The following DOLPP1 variants were observed in gnomAD, a reference collection of about 807,000 sequenced individuals.
DOLPP1 encodes dolichyl pyrophosphate phosphatase 1.
A neutral mutation model predicts 34.1 loss-of-function variants in DOLPP1; 15 were observed. The ratio of observed to expected loss-of-function variants is 0.44; its 90% CI spans 0.29 to 0.68. The LOEUF is 0.68. Ranked by LOEUF, DOLPP1 falls within the 30% of genes least tolerant of loss-of-function variation. The probability of loss-of-function intolerance (pLI) is 0.12; values close to 1 mark genes in which losing one functional copy is unlikely to be tolerated. For missense variants in DOLPP1, 249 were observed against 307.1 expected (o/e 0.81, Z 1.41); for synonymous variants, 130 against 128.2 (o/e 1.01, Z -0.10).
rs1489382214 is a variant in DOLPP1, at chr9:129,089,676, A to G, written c.*669A>G. ...CTGCTGTCGTTGTGTTCTACCCCGT[A>G]CTGACCCAACACCACAAGGGCTTTC... On this transcript the variant is annotated 3_prime_UTR_variant, in exon 8 of 8. Transcript: ENST00000372546. This position sits in a 1 kb window ranked among gnomAD's most constrained non-coding sequence, Gnocchi z 4.9. 6.5e-6 allele frequency: 1 copy of G among 153,220 alleles called. No homozygotes were observed. The highest frequency in any genetic ancestry group is 1.5e-5 in the Non-Finnish European group (1 of 68,536). 9.5% of individuals were successfully genotyped at this position (153,220 alleles called of 1,614,324 possible). A position where few individuals can be genotyped will look rare whatever the true frequency, so the allele number is the denominator to read the frequency against.
rs1261011144 is a variant in DOLPP1 at position 129,084,790 on chromosome 9, C to T, written c.177+22C>T. The stretch of plus-strand genomic sequence containing the variant: ...CACGGTGAGTCTGTCTTGCCCACAC[C>T]CTCCCCACCCCACCCCCAGTGCCCC... On this transcript the variant is annotated intron_variant, in intron 2 of 7. Coordinates refer to ENST00000372546, the MANE Select transcript of DOLPP1 (RefSeq NM_020438.5). 5.9e-6 allele frequency: 9 copies of T among 1,533,754 alleles called. No homozygotes were observed. In the Admixed American group the frequency reaches 6.7e-5, roughly 11 times the overall value.
In DOLPP1 at chr9:129,089,064, A is replaced by G; in HGVS notation, c.*57A>G. 1.3e-6 allele frequency: 2 copies of G among 1,574,418 alleles called. No homozygotes were observed. The highest frequency in any genetic ancestry group is 2.2e-5 in the South Asian group (2 of 90,206). On this transcript the variant is annotated 3_prime_UTR_variant, in exon 8 of 8. Transcript: ENST00000372546. This position sits in a 1 kb window ranked among gnomAD's most constrained non-coding sequence, Gnocchi z 4.9. ...TCTGGCCCGCACGATGCCTTGCAGG[A>G]TGGACAGGATGACAGACAGGGACGA...
At chr9:129,084,944 C>A in intron 2 of DOLPP1, 79 bp from the exon 3 acceptor site, 1 of 1,490,082 alleles carries the variant, frequency 6.7e-7, no homozygotes, top group Non-Finnish European at 9.2e-7. Context: ...GAGGTTCAGT[C>A]AGAGGCCATG....
chr9:129,087,136 G>A lies in DOLPP1; in HGVS notation c.680+338G>A, dbSNP rs1847005119. Among the ~76,000 whole-genome samples the A allele has an allele frequency of 5.9e-5, 9 of 151,788 alleles. No homozygotes were observed. The South Asian group carries it at 1.9e-3, about 32-fold the overall frequency. On this transcript the variant is annotated intron_variant, in intron 7 of 7. Coordinates refer to ENST00000372546, the MANE Select transcript of DOLPP1 (RefSeq NM_020438.5). Reference sequence around the variant, plus strand: ...TGTGTGTGGACATCCCTAGGGATTAGTCCAGATGCTTTCTTAGGCCTGGGT... The same window carrying A: ...TGTGTGTGGACATCCCTAGGGATTAATCCAGATGCTTTCTTAGGCCTGGGT...
chr9:129,082,226 C>T (rs1196793134), intron 1 of DOLPP1, among the ~76,000 whole-genome samples: 2 of 152,158 alleles, frequency 1.3e-5, no homozygotes, highest in Non-Finnish European at 2.9e-5. Flanking sequence ...AACCTGGGTC[C>T]GCTGAGGGCA....
Position 129,081,120 on chromosome 9 carries a change from T to C in DOLPP1, c.-12T>C, listed in dbSNP as rs749881744. The C allele has an allele frequency of 6.2e-7, 1 of 1,606,446 alleles. No individual in the cohort carries two copies. The highest frequency in any genetic ancestry group is 1.1e-5 in the South Asian group (1 of 90,862). The stretch of plus-strand genomic sequence containing the variant: ...CCATTGGCTGCTCGAAGAAGCCCGG[T>C]CTCCGGGTAAGATGGCAGCGGACGG... On this transcript the variant is annotated 5_prime_UTR_variant, in exon 1 of 8. Transcript: ENST00000372546.
Position 129,089,190 on chromosome 9 carries a change from A to C in DOLPP1, c.*183A>C. ...GACCAAAGGGCTGAACCAGCCCCTC[A>C]ACCAGGACCCTGGGGGGCCTGCTGC... On this transcript the variant is annotated 3_prime_UTR_variant, in exon 8 of 8. Coordinates refer to ENST00000372546, the MANE Select transcript of DOLPP1 (RefSeq NM_020438.5). The surrounding 1 kb of genome is among the most constrained non-coding windows in gnomAD (Gnocchi z 4.9). 2 of 554,956 alleles carry C rather than the reference A, an allele frequency of 3.6e-6. No individual in the cohort carries two copies. Among genetic ancestry groups the C allele is most frequent in the Non-Finnish European group, 6.2e-6 (2 of 320,640 alleles). 34.4% of individuals were successfully genotyped at this position (554,956 alleles called of 1,614,324 possible).
At chr9:129,084,428 G>A (rs1564148719) in intron 1 of DOLPP1, among the ~76,000 whole-genome samples, 1 of 152,250 alleles carries the variant, frequency 6.6e-6, no homozygotes, top group Admixed American at 6.5e-5. Flanking sequence ...TGGGAACAGT[G>A]AAGGCACCTG....
rs768955439 is a variant in DOLPP1 at position 129,085,555 on chromosome 9, C to A, written c.400C>A (p.Leu134Met). 3 of 1,613,690 alleles carry A rather than the reference C, an allele frequency of 1.9e-6. No individual in the cohort carries two copies. Reference sequence around the variant, plus strand: ...AAACAACGCCAGGTTCCTGGACTTGCTGTGGAGGCACGTGCTCTCCCTGGG... The same window carrying A: ...AAACAACGCCAGGTTCCTGGACTTGATGTGGAGGCACGTGCTCTCCCTGGG... ...QTNNARFLDL[L>M]WRHVLSLGLL... The change falls in exon 5 of 8, where the codon CTG becomes ATG. Residue 134 changes from leucine (L) to methionine (M), a missense_variant. Physicochemically the swap from Leu to Met is conservative, Grantham distance 15 (BLOSUM62 2). Coordinates refer to ENST00000372546, the MANE Select transcript of DOLPP1 (RefSeq NM_020438.5). This position sits in a 1 kb window ranked among gnomAD's most constrained non-coding sequence, Gnocchi z 7.0.
intron 7 of DOLPP1, among the ~76,000 whole-genome samples, chr9:129,087,000 A>G (rs1250219423): frequency 6.6e-6 from 1 of 152,216 alleles, no homozygotes; most frequent in East Asian, 1.9e-4. Context: ...TCTTGCAGAT[A>G]GTGGGTGGGG....
rs1169484397 is a variant in DOLPP1 at position 129,088,155 on chromosome 9, TG to T, written c.681-810del. On this transcript the variant is annotated intron_variant, in intron 7 of 7. Coordinates refer to ENST00000372546, the MANE Select transcript of DOLPP1 (RefSeq NM_020438.5). ...GGGGGTGGGGGGAGGTGGGGGGGGATGGGGGGATGGGGAGGGTAGGGGGGTG... is the reference window on the plus strand; with the variant it reads ...GGGGGTGGGGGGAGGTGGGGGGGGATGGGGGATGGGGAGGGTAGGGGGGTG... Among the ~76,000 whole-genome samples, 4 of 7,690 alleles carry T rather than the reference TG, an allele frequency of 5.2e-4. No individual in the cohort carries two copies. The East Asian group carries it at 0.015, about 29-fold the overall frequency. 5.0% of individuals were successfully genotyped at this position (7,690 alleles called of 152,430 possible). A position where few individuals can be genotyped will look rare whatever the true frequency, so the allele number is the denominator to read the frequency against.
chr9:129,083,844 C>T (rs943274925), intron 1 of DOLPP1, among the ~76,000 whole-genome samples: 1 of 152,140 alleles, frequency 6.6e-6, no homozygotes, highest in Non-Finnish European at 1.5e-5. Context: ...GGAGCTGAAC[C>T]ATGCTCTCAG....
intron 1 of DOLPP1, among the ~76,000 whole-genome samples, chr9:129,082,909 C>G (rs1846916910): frequency 6.6e-6 from 1 of 152,176 alleles, no homozygotes; most frequent in South Asian, 2.1e-4. Context: ...GGCAGATTCT[C>G]CCGTCAGACC....
Position 129,085,505 on chromosome 9 carries a change from C to A in DOLPP1, c.363-13C>A, listed in dbSNP as rs777096917. ...CTGTGGGCTGAGGTCATCTGGTGGG[C>A]CTGTTTTCGCAGAATGCACCAAACA... On this transcript the variant is annotated splice_polypyrimidine_tract_variant and intron_variant, in intron 4 of 7. Transcript: ENST00000372546. This position sits in a 1 kb window ranked among gnomAD's most constrained non-coding sequence, Gnocchi z 7.0. 6.2e-7 allele frequency: 1 copy of A among 1,612,214 alleles called. No homozygotes were observed.
chr9:129,085,645 AC>A lies in DOLPP1; in HGVS notation c.461+32del. 6.4e-7 allele frequency: 1 copy of A among 1,569,310 alleles called. No individual in the cohort carries two copies. Among genetic ancestry groups the A allele is most frequent in the Non-Finnish European group, 8.7e-7 (1 of 1,148,636 alleles). ...TGGAGGAGGGAGAGCCCCTGCCTGC[AC>A]CCTGCCCATGTGGGGTCCTGCTGGT... On this transcript the variant is annotated intron_variant, in intron 5 of 7. Transcript: ENST00000372546. The surrounding 1 kb of genome is among the most constrained non-coding windows in gnomAD (Gnocchi z 7.0).
intron 7 of DOLPP1, among the ~76,000 whole-genome samples, chr9:129,088,550 C>T (rs546438571): frequency 6.6e-6 from 1 of 152,170 alleles, no homozygotes; most frequent in Non-Finnish European, 1.5e-5. Flanking sequence ...CCTGCTTTCG[C>T]TTGCATACCT....
rs112084280 is a variant in DOLPP1 at position 129,086,701 on chromosome 9, C to T, written c.591-8C>T. On this transcript the variant is annotated splice_region_variant and splice_polypyrimidine_tract_variant and intron_variant, in intron 6 of 7. Coordinates refer to ENST00000372546, the MANE Select transcript of DOLPP1 (RefSeq NM_020438.5). Reference sequence around the variant, plus strand: ...GTGCCCCTGGCTCTCTGATGTCTGTCTCTCCAGGCCTGTCTCCGAGTTCTT... The same window carrying T: ...GTGCCCCTGGCTCTCTGATGTCTGTTTCTCCAGGCCTGTCTCCGAGTTCTT... 5 of 1,613,112 alleles carry T rather than the reference C, an allele frequency of 3.1e-6. No individual in the cohort carries two copies. The highest frequency in any genetic ancestry group is 4.2e-6 in the Non-Finnish European group (5 of 1,179,396).
In DOLPP1 at chr9:129,090,340, C is replaced by A. The variant is rs1208768253; in HGVS notation, c.*1333C>A. 1 of 152,538 alleles carries A rather than the reference C, an allele frequency of 6.6e-6. No homozygotes were observed. The highest frequency in any genetic ancestry group is 1.9e-4 in the East Asian group (1 of 5,198). The allele number at this position is 152,538 out of a possible 1,614,324, so 9.4% of individuals were successfully genotyped here. A position where few individuals can be genotyped will look rare whatever the true frequency, so the allele number is the denominator to read the frequency against. On this transcript the variant is annotated 3_prime_UTR_variant, in exon 8 of 8. Coordinates refer to ENST00000372546, the MANE Select transcript of DOLPP1 (RefSeq NM_020438.5). ...TCCCTCCCGTTATTTTTATTTTTTACTTTTTGCCTGAGACAAGCCGAGTAT... is the reference window on the plus strand; with the variant it reads ...TCCCTCCCGTTATTTTTATTTTTTAATTTTTGCCTGAGACAAGCCGAGTAT...
In DOLPP1 at chr9:129,081,226, TCCAAGGACGCCTTC is replaced by T. The variant is rs753498875; in HGVS notation, c.76+23_76+36del. ...CCTGCAGGTAAAAGGCGGTCCCGGC[TCCAAGGACGCCTTC>T]CCAGGGACGGCCTCTCAGTCCCGGG... On this transcript the variant is annotated intron_variant, in intron 1 of 7. Transcript: ENST00000372546. 1.1e-5 allele frequency: 17 copies of T among 1,606,326 alleles called. No homozygotes were observed. Among genetic ancestry groups the T allele is most frequent in the Non-Finnish European group, 1.4e-5 (17 of 1,178,896 alleles).
Sources: allele counts gnomAD v4.1 joint callset (sites outside exome capture counted in the v4.1 genomes callset), GRCh38; gene constraint gnomAD v4.1.1; non-coding constraint Gnocchi (gnomAD v3.1); transcripts MANE v1.5; gene names NCBI Gene and HGNC (gene_info 2026-07-23, HGNC 2026-07-21).